Variants in CACNA2D3 observed in about 807,000 individuals in gnomAD.
CACNA2D3 encodes the protein voltage-dependent calcium channel subunit alpha-2/delta-3.
A neutral mutation model predicts 160.6 loss-of-function variants in CACNA2D3; 60 were observed. The observed-to-expected ratio is 0.37, with a 90% CI of 0.30 to 0.46. The LOEUF is 0.46. Ranked by LOEUF, CACNA2D3 falls within the 20% of genes least tolerant of loss-of-function variation. The pLI is 1.00. For missense variants in CACNA2D3, 1,205 were observed against 1,365.0 expected, an observed-to-expected ratio of 0.88 and a Z score of 1.85; for synonymous variants, 558 against 492.9, an observed-to-expected ratio of 1.13 and a Z score of -1.75.
At chr3:54,906,833 A>T (rs752270624) in intron 27 of CACNA2D3, among the ~76,000 whole-genome samples, 3 of 152,246 alleles carry the variant, frequency 2.0e-5, no homozygotes, top group Non-Finnish European at 4.4e-5. Flanking sequence ...AACTTTATAG[A>T]AATGGGTTAG....
chr3:54,408,905 C>T (rs1018698208), intron 4 of CACNA2D3, among the ~76,000 whole-genome samples: 2 of 152,094 alleles, frequency 1.3e-5, no homozygotes, highest in African/African-American at 4.8e-5. Context: ...AGAGGGGACC[C>T]TAACTCTCCA....
chr3:54,529,135 T>C (rs1270786499), intron 5 of CACNA2D3, among the ~76,000 whole-genome samples: 2 of 152,254 alleles, frequency 1.3e-5, no homozygotes, highest in Non-Finnish European at 2.9e-5. Context: ...GGTGCCACCA[T>C]GATGGTATAC....
At chr3:54,486,216 T>A (rs1701013831) in intron 4 of CACNA2D3, among the ~76,000 whole-genome samples, 1 of 152,218 alleles carries the variant, frequency 6.6e-6, no homozygotes, top group Non-Finnish European at 1.5e-5. Flanking sequence ...AAGGCTTTTT[T>A]GATTCTGGTT....
intron 3 of CACNA2D3, among the ~76,000 whole-genome samples, chr3:54,365,924 G>C (rs768302855): frequency 6.6e-6 from 1 of 152,122 alleles, no homozygotes. Context: ...GTAAGAGAGG[G>C]ATGTACCATG....
chr3:54,404,686 A>C (rs1046626454), intron 4 of CACNA2D3, among the ~76,000 whole-genome samples: 1 of 152,136 alleles, frequency 6.6e-6, no homozygotes, highest in African/African-American at 2.4e-5. Context: ...AAAAGAAGTA[A>C]AATTATCACG....
intron 9 of CACNA2D3, among the ~76,000 whole-genome samples, chr3:54,609,013 T>C (rs1272707099): frequency 6.6e-6 from 1 of 152,036 alleles, no homozygotes; most frequent in Non-Finnish European, 1.5e-5. Context: ...ATTGAGGGGG[T>C]GTTATGGACT....
intron 35 of CACNA2D3, among the ~76,000 whole-genome samples, chr3:55,042,570 T>C (rs1462959652): frequency 6.6e-6 from 1 of 152,168 alleles, no homozygotes; most frequent in Non-Finnish European, 1.5e-5. Context: ...ACAGCATATG[T>C]TTTGGTCTTT....
intron 2 of CACNA2D3, among the ~76,000 whole-genome samples, chr3:54,295,650 A>G (rs1232781165): frequency 6.6e-6 from 1 of 152,212 alleles, no homozygotes; most frequent in Non-Finnish European, 1.5e-5. Flanking sequence ...AGGAATAGTC[A>G]CTTATGCCTT....
At chr3:54,539,524 C>G (rs186199450) in intron 5 of CACNA2D3, among the ~76,000 whole-genome samples, 1 of 152,230 alleles carries the variant, frequency 6.6e-6, no homozygotes, top group East Asian at 1.9e-4. Context: ...TACCCTATTT[C>G]CATGTGAAGG....
intron 14 of CACNA2D3, 56 bp from the exon 15 acceptor site, chr3:54,837,103 C>A (rs1698708409): frequency 6.7e-7 from 1 of 1,502,294 alleles, no homozygotes; most frequent in Non-Finnish European, 9.3e-7. Context: ...GGGGTGGCCT[C>A]CAGAACTGTG....
At chr3:54,275,850 T>G (rs1175573061) in intron 2 of CACNA2D3, among the ~76,000 whole-genome samples, 1 of 151,456 alleles carries the variant, frequency 6.6e-6, no homozygotes, top group Non-Finnish European at 1.5e-5. Flanking sequence ...ACTCCTGACC[T>G]CAGGTGATCT....
chr3:54,440,872 A>C (rs1398549438), intron 4 of CACNA2D3, among the ~76,000 whole-genome samples: 1 of 152,036 alleles, frequency 6.6e-6, no homozygotes, highest in African/African-American at 2.4e-5. Context: ...ACATTTTCTT[A>C]ATCCAGTCTA....
chr3:54,229,770 G>A (rs941601888), intron 2 of CACNA2D3, among the ~76,000 whole-genome samples: 14 of 152,194 alleles, frequency 9.2e-5, no homozygotes, highest in African/African-American at 2.9e-4. Flanking sequence ...AGTATCTGTC[G>A]TCTTGGCAGG....
intron 4 of CACNA2D3, among the ~76,000 whole-genome samples, chr3:54,490,362 C>G (rs946636667): frequency 1.3e-5 from 2 of 152,146 alleles, no homozygotes; most frequent in Non-Finnish European, 1.5e-5. Flanking sequence ...CCTGGCTCTC[C>G]GGGCCATACC....
chr3:54,291,818 A>G (rs1390741019), intron 2 of CACNA2D3, among the ~76,000 whole-genome samples: 3 of 152,208 alleles, frequency 2.0e-5, no homozygotes, highest in Non-Finnish European at 4.4e-5. Context: ...GAACATTTAC[A>G]TTGATTCACT....
At chr3:54,921,416 G>A (rs1420750817) in intron 27 of CACNA2D3, among the ~76,000 whole-genome samples, 1 of 152,168 alleles carries the variant, frequency 6.6e-6, no homozygotes, top group Non-Finnish European at 1.5e-5. Flanking sequence ...GTTTAGTGAA[G>A]TGAAGATGAC....
chr3:54,963,427 A>G (rs1425759834), intron 27 of CACNA2D3, among the ~76,000 whole-genome samples: 1 of 152,232 alleles, frequency 6.6e-6, no homozygotes, highest in East Asian at 1.9e-4. Context: ...TGCATGGTCC[A>G]GTACCGTAGC....
chr3:54,671,659 A>G (rs1464568544), intron 11 of CACNA2D3, among the ~76,000 whole-genome samples: 2 of 152,158 alleles, frequency 1.3e-5, no homozygotes, highest in African/African-American at 4.8e-5. Context: ...GCTCCAGGGC[A>G]GGAATGGGGG....
chr3:54,809,127 G>A (rs1703214550), intron 13 of CACNA2D3, among the ~76,000 whole-genome samples: 1 of 152,040 alleles, frequency 6.6e-6, no homozygotes, highest in Middle Eastern at 3.4e-3. Context: ...GGTAGAGGTA[G>A]TATTTGAAAG....
Sources: gnomAD v4.1 joint callset for allele counts (sites outside exome capture counted in the v4.1 genomes callset) on GRCh38, gnomAD v4.1.1 for gene constraint, MANE v1.5 for transcripts, NCBI Gene and HGNC (gene_info 2026-07-23, HGNC 2026-07-21) for gene names.